Variants in EPHB1 observed in about 807,000 individuals in gnomAD.
EPHB1 encodes the protein EPH receptor B1, also known as ephrin type-B receptor 1.
A neutral mutation model predicts 94.4 loss-of-function variants in EPHB1; 30 were observed. The observed-to-expected ratio is 0.32, with a 90% CI of 0.24 to 0.43. The LOEUF is 0.43. Ranked by LOEUF, EPHB1 falls within the 20% of genes least tolerant of loss-of-function variation. EPHB1 has a pLI of 1.00. For missense variants in EPHB1, 1,055 were observed against 1,308.3 expected (o/e 0.81, Z 2.99); for synonymous variants, 522 against 489.1 (o/e 1.07, Z -0.89).
intron 1 of EPHB1, among the ~76,000 whole-genome samples, chr3:134,883,566 A>T (rs1000304360): frequency 1.3e-5 from 2 of 152,176 alleles, no homozygotes; most frequent in African/African-American, 4.8e-5. Context: ...GCCTCCCAGA[A>T]AGTTTAAGTG....
intron 3 of EPHB1, among the ~76,000 whole-genome samples, chr3:135,048,305 G>A (rs1377314262): frequency 1.7e-5 from 2 of 116,282 alleles, no homozygotes; most frequent in African/African-American, 3.5e-5. Context: ...CACTCTTCCA[G>A]GCTGGAGTGC....
intron 3 of EPHB1, among the ~76,000 whole-genome samples, chr3:134,971,976 A>C (rs900081505): frequency 6.6e-6 from 1 of 152,170 alleles, no homozygotes; most frequent in African/African-American, 2.4e-5. Context: ...TATTTCTTAA[A>C]TGGTATTTTA....
intron 1 of EPHB1, among the ~76,000 whole-genome samples, chr3:134,815,348 A>C (rs1174979289): frequency 1.3e-5 from 2 of 152,130 alleles, no homozygotes; most frequent in East Asian, 3.8e-4. Context: ...CAGGTGGCTC[A>C]AGGAGGAAAA....
At chr3:134,890,046 A>G (rs919236657) in intron 1 of EPHB1, among the ~76,000 whole-genome samples, 1 of 152,202 alleles carries the variant, frequency 6.6e-6, no homozygotes, top group African/African-American at 2.4e-5. Context: ...ACACCTATCT[A>G]CCTACCACCC....
intron 3 of EPHB1, among the ~76,000 whole-genome samples, chr3:135,097,139 A>T (rs1576380948): frequency 6.9e-6 from 1 of 145,848 alleles, no homozygotes. Flanking sequence ...ATTCGGAATT[A>T]GGCTTCAACG....
intron 1 of EPHB1, among the ~76,000 whole-genome samples, chr3:134,905,466 A>C (rs1018668709): frequency 6.6e-6 from 1 of 152,244 alleles, no homozygotes; most frequent in Non-Finnish European, 1.5e-5. Flanking sequence ...AGCATTGCCA[A>C]CCAGGGGGCA....
In EPHB1 at chr3:134,936,224, C is replaced by T. The variant is rs538618827; in HGVS notation, c.123+10344C>T. ...TAAAGTAACAAACCAGTGAGTTGTG[C>T]ACGTGATAAGCACCTGATAAATCAT... On this transcript the variant is annotated intron_variant, in intron 2 of 15. Transcript: ENST00000398015. Among the ~76,000 whole-genome samples the T allele has an allele frequency of 3.9e-5, 6 of 152,194 alleles. No homozygotes were observed. In the East Asian group the frequency reaches 1.2e-3, roughly 29 times the overall value.
chr3:134,851,070 T>C (rs989756020), intron 1 of EPHB1, among the ~76,000 whole-genome samples: 2 of 152,182 alleles, frequency 1.3e-5, no homozygotes, highest in African/African-American at 4.8e-5. Context: ...CTGAGTGTGT[T>C]TGAAGGGAAA....
chr3:134,944,195 A>T (rs1362555896), intron 2 of EPHB1, among the ~76,000 whole-genome samples: 1 of 152,206 alleles, frequency 6.6e-6, no homozygotes, highest in African/African-American at 2.4e-5. Context: ...TGAACATTTC[A>T]TGTGTATAGA....
intron 3 of EPHB1, among the ~76,000 whole-genome samples, chr3:135,095,752 G>A (rs1253366053): frequency 6.6e-6 from 1 of 152,164 alleles, no homozygotes; most frequent in Non-Finnish European, 1.5e-5. Flanking sequence ...CCTTGACTGA[G>A]TCATTTTCAT....
intron 7 of EPHB1, among the ~76,000 whole-genome samples, chr3:135,165,640 G>A (rs1180490418): frequency 6.6e-6 from 1 of 152,194 alleles, no homozygotes; most frequent in African/African-American, 2.4e-5. Context: ...TCATTGGAAT[G>A]TCCTTAACAT....
chr3:134,818,393 T>C (rs2036310595), intron 1 of EPHB1, among the ~76,000 whole-genome samples: 1 of 152,230 alleles, frequency 6.6e-6, no homozygotes, highest in South Asian at 2.1e-4. Flanking sequence ...TATTTGTCCA[T>C]AAGTAATTGG....
At chr3:135,252,191 A>ATTTTTATTTTTTAATATTTTT (rs1933139496) in intron 15 of EPHB1, among the ~76,000 whole-genome samples, 1 of 150,996 alleles carries the variant, frequency 6.6e-6, no homozygotes, top group Non-Finnish European at 1.5e-5. Context: ...ATTTTATTTT[A>ATTTTTATTTTTTAATATTTTT]TTTTTATTTT....
chr3:135,215,234 G>T (rs900584424), intron 12 of EPHB1, among the ~76,000 whole-genome samples: 6 of 151,812 alleles, frequency 4.0e-5, no homozygotes, highest in African/African-American at 1.5e-4. Flanking sequence ...TGCAATCTCG[G>T]CTCACCGCAA....
intron 5 of EPHB1, among the ~76,000 whole-genome samples, chr3:135,135,127 G>A (rs985753096): frequency 6.6e-6 from 1 of 152,034 alleles, no homozygotes; most frequent in Non-Finnish European, 1.5e-5. Flanking sequence ...CCCCGATTTT[G>A]TAGTCCTAGC....
intron 3 of EPHB1, among the ~76,000 whole-genome samples, chr3:135,082,642 A>T (rs918526173): frequency 6.6e-6 from 1 of 152,216 alleles, no homozygotes; most frequent in Admixed American, 6.5e-5. Flanking sequence ...TAAGCTGTAG[A>T]GAATAGGACA....
intron 12 of EPHB1, among the ~76,000 whole-genome samples, chr3:135,229,418 G>A (rs1463923365): frequency 6.6e-6 from 1 of 152,196 alleles, no homozygotes; most frequent in African/African-American, 2.4e-5. Context: ...TAATGTGACT[G>A]ATTATTTTTA....
intron 5 of EPHB1, among the ~76,000 whole-genome samples, chr3:135,148,090 A>C (rs1165791792): frequency 6.6e-6 from 1 of 152,238 alleles, no homozygotes; most frequent in African/African-American, 2.4e-5. Context: ...GTATTTTGGC[A>C]CAAAAATCAA....
chr3:135,240,830 A>G (rs1943766086), intron 12 of EPHB1, among the ~76,000 whole-genome samples: 1 of 152,172 alleles, frequency 6.6e-6, no homozygotes, highest in Non-Finnish European at 1.5e-5. Context: ...AGGTAGTTCC[A>G]GTGAGTTTTA....
Sources: gnomAD v4.1 joint callset for allele counts (sites outside exome capture counted in the v4.1 genomes callset) on GRCh38, gnomAD v4.1.1 for gene constraint, MANE v1.5 for transcripts, NCBI Gene and HGNC (gene_info 2026-07-23, HGNC 2026-07-21) for gene names.